ADGRL2: variants seen among roughly 807,000 people sequenced by gnomAD.
The protein encoded by ADGRL2 is calcium-independent alpha-latrotoxin receptor 2.
Under a neutral mutation model 157.4 loss-of-function variants are expected in ADGRL2, and 44 were observed. The observed-to-expected ratio is 0.28, with a 90% CI of 0.22 to 0.36. ADGRL2 has a LOEUF of 0.36. Ranked by LOEUF, ADGRL2 falls within the 10% of genes least tolerant of loss-of-function variation. The pLI is 1.00. For missense variants in ADGRL2, 1,510 were observed against 1,768.9 expected (o/e 0.85, Z 2.63); for synonymous variants, 585 against 624.7 (o/e 0.94, Z 0.95).
At chr1:81,742,767 AATATT>A (rs2085113888) in intron 1 of ADGRL2, among the ~76,000 whole-genome samples, 1 of 152,046 alleles carries the variant, frequency 6.6e-6, no homozygotes, top group African/African-American at 2.4e-5. Context: ...TTGCAAGAAA[AATATT>A]CTATTATTTT....
rs997144522 is a variant in ADGRL2, at chr1:81,765,079, C to A, written c.-101+3227C>A. The stretch of plus-strand genomic sequence containing the variant: ...TTTTTAAATGTACCAAAAAATTTAA[C>A]CTTAATTTTTTCACTTTACTCTGAA... On this transcript the variant is annotated intron_variant, in intron 2 of 20. Coordinates refer to the ADGRL2 transcript ENST00000359929. 9.2e-5 allele frequency among the ~76,000 whole-genome samples: 14 copies of A among 151,688 alleles called. 1 individual carries two copies. The highest frequency in any genetic ancestry group is 1.5e-4 in the Non-Finnish European group (10 of 67,850).
chr1:81,534,117 T>C (rs2079673812), intron 2 of ADGRL2, among the ~76,000 whole-genome samples: 1 of 152,286 alleles, frequency 6.6e-6, no homozygotes, highest in Admixed American at 6.5e-5. Context: ...CTTTATCTGC[T>C]AATTACAAGT....
At chr1:81,590,716 C>T (rs1315475928) in intron 3 of ADGRL2, among the ~76,000 whole-genome samples, 3 of 152,044 alleles carry the variant, frequency 2.0e-5, no homozygotes, top group Non-Finnish European at 4.4e-5. Context: ...TTTGCATGCT[C>T]AGTTTTTTTA....
intron 1 of ADGRL2, among the ~76,000 whole-genome samples, chr1:81,827,800 G>A (rs987020511): frequency 6.6e-6 from 1 of 152,032 alleles, no homozygotes; most frequent in Admixed American, 6.6e-5. Context: ...CCTGACCTCA[G>A]CCAATCCACC....
At chr1:81,912,970 T>C (rs1421266995) in intron 3 of ADGRL2, among the ~76,000 whole-genome samples, 1 of 152,182 alleles carries the variant, frequency 6.6e-6, no homozygotes, top group Non-Finnish European at 1.5e-5. Context: ...TTCTAGGATT[T>C]TTATTCTATG....
intron 1 of ADGRL2, among the ~76,000 whole-genome samples, chr1:81,808,643 A>T (rs1408213846): frequency 6.6e-6 from 1 of 152,118 alleles, no homozygotes; most frequent in African/African-American, 2.4e-5. Context: ...CTTAAGAATC[A>T]AAAGAAACCT....
At chr1:81,881,872 CCT>C (rs2093996988) in intron 2 of ADGRL2, among the ~76,000 whole-genome samples, 1 of 152,132 alleles carries the variant, frequency 6.6e-6, no homozygotes, top group South Asian at 2.1e-4. Context: ...TGTTAGAGCA[CCT>C]AAGTGGTGCT....
At chr1:81,804,022 T>G (rs751802884) in intron 1 of ADGRL2, among the ~76,000 whole-genome samples, 1 of 152,198 alleles carries the variant, frequency 6.6e-6, no homozygotes, top group Non-Finnish European at 1.5e-5. Flanking sequence ...AAATAGGCAC[T>G]AAAGAGGCAA....
chr1:81,765,020 T>C (rs946687337), intron 2 of ADGRL2, among the ~76,000 whole-genome samples: 4 of 152,162 alleles, frequency 2.6e-5, no homozygotes, highest in Non-Finnish European at 5.9e-5. Flanking sequence ...GATTATATAT[T>C]GTGTATTTTG....
At chr1:81,784,158 G>A (rs2086931412) in intron 2 of ADGRL2, among the ~76,000 whole-genome samples, 1 of 152,122 alleles carries the variant, frequency 6.6e-6, no homozygotes, top group Admixed American at 6.6e-5. Flanking sequence ...ATTAACTAGA[G>A]TTAAGTGACC....
intron 2 of ADGRL2, among the ~76,000 whole-genome samples, chr1:81,851,253 TA>T (rs1193378870): frequency 6.6e-6 from 1 of 151,934 alleles, no homozygotes; most frequent in African/African-American, 2.4e-5. Context: ...GGTAATAACC[TA>T]CACTGAAGTC....
At chr1:81,502,409 T>C in intron 2 of ADGRL2, 1 of 1,614,086 alleles carries the variant, frequency 6.2e-7, no homozygotes, top group Non-Finnish European at 8.5e-7. Flanking sequence ...TGCCAAGCTG[T>C]ATGAACTGGA....
intron 1 of ADGRL2, among the ~76,000 whole-genome samples, chr1:81,343,802 G>A (rs914731924): frequency 2.0e-5 from 3 of 152,110 alleles, no homozygotes; most frequent in Non-Finnish European, 4.4e-5. Context: ...AAATCCAATT[G>A]CTGGGGCTCC....
intron 2 of ADGRL2, among the ~76,000 whole-genome samples, chr1:81,850,366 A>G (rs1409620891): frequency 2.0e-5 from 3 of 151,884 alleles, no homozygotes; most frequent in Non-Finnish European, 4.4e-5. Flanking sequence ...TTGAATATCT[A>G]CAACATGTGA....
intron 3 of ADGRL2, among the ~76,000 whole-genome samples, chr1:81,614,106 A>G (rs1402221084): frequency 6.6e-6 from 1 of 152,172 alleles, no homozygotes; most frequent in Non-Finnish European, 1.5e-5. Context: ...TGTTATTGGC[A>G]TAATACCTCT....
intron 2 of ADGRL2, among the ~76,000 whole-genome samples, chr1:81,482,364 C>A (rs960352678): frequency 7.9e-5 from 12 of 152,000 alleles, no homozygotes; most frequent in Admixed American, 7.2e-4. Flanking sequence ...TTTTCTTTTG[C>A]CATCCAAGTA....
chr1:81,488,465 C>T (rs955946113), intron 2 of ADGRL2, among the ~76,000 whole-genome samples: 9 of 151,438 alleles, frequency 5.9e-5, no homozygotes, highest in South Asian at 2.1e-4. Context: ...TTTGAGAGAC[C>T]GAGGCATGCA....
chr1:81,944,660 A>T (rs1379507743), intron 6 of ADGRL2, among the ~76,000 whole-genome samples: 1 of 152,030 alleles, frequency 6.6e-6, no homozygotes, highest in Non-Finnish European at 1.5e-5. Context: ...ATCCTAATTT[A>T]CTGAGTTAAT....
intron 2 of ADGRL2, among the ~76,000 whole-genome samples, chr1:81,519,101 A>T (rs1165658552): frequency 6.6e-6 from 1 of 152,208 alleles, no homozygotes; most frequent in Non-Finnish European, 1.5e-5. Context: ...CGTATGTCCA[A>T]GGTCACATGG....
Sources: gnomAD v4.1 joint callset for allele counts (sites outside exome capture counted in the v4.1 genomes callset) on GRCh38, gnomAD v4.1.1 for gene constraint, MANE v1.5 for transcripts, NCBI Gene and HGNC (gene_info 2026-07-23, HGNC 2026-07-21) for gene names.